Variants in CCNB1 observed in about 807,000 individuals in gnomAD.
The protein encoded by CCNB1 is G2/mitotic-specific cyclin-B1.
In CCNB1, 26 loss-of-function variants were observed where a neutral mutation model predicts 44.4. That is an observed-to-expected ratio of 0.59 (90% CI 0.43 to 0.81). The LOEUF is 0.81. CCNB1 is among the 40% of genes least tolerant of loss of function. The pLI is 0.00. For missense variants in CCNB1, 477 were observed against 520.9 expected, an observed-to-expected ratio of 0.92 and a Z score of 0.82; for synonymous variants, 195 against 181.4, an observed-to-expected ratio of 1.08 and a Z score of -0.60.
intron 4 of CCNB1, among the ~76,000 whole-genome samples, chr5:69,172,004 A>G (rs563899429): frequency 4.4e-4 from 67 of 152,166 alleles, no homozygotes; most frequent in South Asian, 2.9e-3. Context: ...CTACAAATAC[A>G]AGCACTCTTT....
At position 69,171,304 on chromosome 5, in the gene CCNB1, C is replaced by G. The variant is rs1407672231; in HGVS notation, c.398C>G (p.Ser133Cys). The G allele has an allele frequency of 5.0e-6, 8 of 1,612,296 alleles. No homozygotes were observed. Among genetic ancestry groups the G allele is most frequent in the Non-Finnish European group, 6.8e-6 (8 of 1,179,638 alleles). ...DTASPSPMETSGCAPAEEDLC... is the reference protein window; with the variant it reads ...DTASPSPMETCGCAPAEEDLC... The stretch of plus-strand genomic sequence containing the variant: ...GCCTCTCCAAGCCCAATGGAAACAT[C>G]TGGATGTGCCCCTGCAGAAGAAGAC... The change falls in exon 4 of 9, where the codon TCT becomes TGT. Residue 133 changes from serine (S) to cysteine (C), a missense_variant. Coordinates refer to ENST00000256442, the MANE Select transcript of CCNB1 (RefSeq NM_031966.4).
At chr5:69,169,893 A>C (rs187604857) in intron 3 of CCNB1, among the ~76,000 whole-genome samples, 5,735 of 149,242 alleles carry the variant, frequency 0.038, 401 homozygotes, top group African/African-American at 0.13. Context: ...CTCGTGATCC[A>C]CCCGCCTCAG....
At position 69,177,571 on chromosome 5, in the gene CCNB1, T is replaced by C; in HGVS notation, c.1242T>C (p.Thr414=). 1.9e-6 allele frequency: 3 copies of C among 1,613,952 alleles called. No individual in the cohort carries two copies. The highest frequency in any genetic ancestry group is 2.5e-6 in the Non-Finnish European group (3 of 1,179,826). ...YATSKHAKIS[T]LPQLNSALVQ... is the part of the protein sequence containing the mutation. ...CATCGAAGCATGCTAAGATCAGCAC[T>C]CTACCACAGCTGAATTCTGCACTAG... Residue 414 remains threonine, a synonymous_variant, in exon 9 of 9, where the codon ACT becomes ACC. Coordinates refer to ENST00000256442, the MANE Select transcript of CCNB1 (RefSeq NM_031966.4).
At chr5:69,170,335 C>T (rs1055873982) in intron 3 of CCNB1, among the ~76,000 whole-genome samples, 2 of 152,046 alleles carry the variant, frequency 1.3e-5, no homozygotes, top group African/African-American at 2.4e-5. Context: ...GCCATGAAGT[C>T]AATGCCTTGT....
chr5:69,177,835 A>G lies in CCNB1; in HGVS notation c.*204A>G. ...AAGGTATGGTGGGGATATTTTTAAA[A>G]ACTCCTTTTGGTTTACCTGGGGATC... On this transcript the variant is annotated 3_prime_UTR_variant, in exon 9 of 9. Transcript: ENST00000256442. The G allele has an allele frequency of 2.1e-6, 1 of 483,604 alleles. No individual in the cohort carries two copies. Among genetic ancestry groups the G allele is most frequent in the Non-Finnish European group, 3.7e-6 (1 of 272,734 alleles). 30.0% of individuals were successfully genotyped at this position (483,604 alleles called of 1,614,324 possible).
At chr5:69,173,355 G>A (rs1230306169) in intron 4 of CCNB1, among the ~76,000 whole-genome samples, 1 of 152,098 alleles carries the variant, frequency 6.6e-6, no homozygotes, top group Non-Finnish European at 1.5e-5. Context: ...ATGTGTGGGT[G>A]GCTGACAGAA....
chr5:69,172,754 G>A (rs1401260132), intron 4 of CCNB1, among the ~76,000 whole-genome samples: 1 of 144,408 alleles, frequency 6.9e-6, no homozygotes, highest in Non-Finnish European at 1.5e-5. Context: ...ATTCAATTTA[G>A]TAAATGTGCT....
In CCNB1 at chr5:69,174,971, G is replaced by A; in HGVS notation, c.800G>A (p.Gly267Asp). The change falls in exon 6 of 9, where the codon GGT becomes GAT. Residue 267 changes from glycine to aspartate, a missense_variant. By Grantham distance (94) the Gly-to-Asp change is moderately conservative (BLOSUM62 -1). Coordinates refer to ENST00000256442, the MANE Select transcript of CCNB1 (RefSeq NM_031966.4). The stretch of plus-strand genomic sequence containing the variant: ...GAAGAAATGTACCCTCCAGAAATTG[G>A]TGACTTTGCTTTTGTGACTGACAAC... ...KYEEMYPPEI[G>D]DFAFVTDNTY... 6.2e-7 allele frequency: 1 copy of A among 1,614,152 alleles called. No homozygotes were observed. The highest frequency in any genetic ancestry group is 8.5e-7 in the Non-Finnish European group (1 of 1,180,034).
Position 69,175,381 on chromosome 5 carries a change from A to G in CCNB1, c.943-16A>G, listed in dbSNP as rs200513684. 3.8e-5 allele frequency: 61 copies of G among 1,610,692 alleles called. No homozygotes were observed. The highest frequency in any genetic ancestry group is 4.7e-5 in the Non-Finnish European group (55 of 1,178,778). On this transcript the variant is annotated splice_polypyrimidine_tract_variant and intron_variant, in intron 6 of 8. Coordinates refer to ENST00000256442, the MANE Select transcript of CCNB1 (RefSeq NM_031966.4). Reference sequence around the variant, plus strand: ...AATTTTCTGAAAGAAACTCAGTAACATGGGTTTTGTTTCAGGTTGATGTCG... The same window carrying G: ...AATTTTCTGAAAGAAACTCAGTAACGTGGGTTTTGTTTCAGGTTGATGTCG...
At chr5:69,167,353 G>A (rs761401064) in intron 1 of CCNB1, 70 bp downstream of exon 1, 1 of 1,571,608 alleles carries the variant, frequency 6.4e-7, no homozygotes, top group South Asian at 1.1e-5. Flanking sequence ...CCTCGCCTGC[G>A]GGAGCCTCCC....
At chr5:69,174,646 C>G (rs533799585) in intron 5 of CCNB1, among the ~76,000 whole-genome samples, 47 of 151,654 alleles carry the variant, frequency 3.1e-4, no homozygotes, top group Non-Finnish European at 5.4e-4. Flanking sequence ...CTACTGGAGG[C>G]GGAGGTTGCA....
In CCNB1 at chr5:69,174,982, T is replaced by G. The variant is rs1457316038; in HGVS notation, c.811T>G (p.Phe271Val). The change falls in exon 6 of 9, where the codon TTT becomes GTT. Residue 271 changes from phenylalanine to valine, a missense_variant. By Grantham distance (50) the Phe-to-Val change is conservative (BLOSUM62 -1). Transcript: ENST00000256442. The part of the protein sequence containing the change: ...MYPPEIGDFA[F>V]VTDNTYTKHQ... ...CCCTCCAGAAATTGGTGACTTTGCT[T>G]TTGTGACTGACAACACTTATACTAA... is the stretch of plus-strand genomic sequence containing the variant. 4 of 1,614,056 alleles carry G rather than the reference T, an allele frequency of 2.5e-6. No homozygotes were observed. The highest frequency in any genetic ancestry group is 3.4e-6 in the Non-Finnish European group (4 of 1,180,026).
chr5:69,168,279 A>T lies in CCNB1; in HGVS notation c.299A>T (p.Glu100Val). The T allele has an allele frequency of 6.2e-7, 1 of 1,613,154 alleles. No individual in the cohort carries two copies. Among genetic ancestry groups the T allele is most frequent in the Non-Finnish European group, 8.5e-7 (1 of 1,179,582 alleles). Residue 100 changes from glutamate to valine, a missense_variant, in exon 3 of 9, where the codon GAG (glutamate) becomes GTG (valine). Coordinates refer to ENST00000256442, the MANE Select transcript of CCNB1 (RefSeq NM_031966.4). ...VPVPVSEPVP[E>V]PEPEPEPEPV... is the part of the protein sequence containing the mutation. Reference sequence around the variant, plus strand: ...GTGCCAGTGTCTGAGCCAGTGCCAGAGCCAGAACCTGAGCCAGAACCTGAG... The same window carrying T: ...GTGCCAGTGTCTGAGCCAGTGCCAGTGCCAGAACCTGAGCCAGAACCTGAG...
chr5:69,173,822 T>G (rs544775573), intron 4 of CCNB1, among the ~76,000 whole-genome samples: 1 of 151,900 alleles, frequency 6.6e-6, no homozygotes, highest in East Asian at 1.9e-4. Flanking sequence ...CAGGCTGGAG[T>G]GCAGTGGTGC....
chr5:69,172,009 C>T (rs1031357127), intron 4 of CCNB1, among the ~76,000 whole-genome samples: 27 of 152,124 alleles, frequency 1.8e-4, no homozygotes, highest in African/African-American at 6.5e-4. Flanking sequence ...AATACAAGCA[C>T]TCTTTATGGC....
chr5:69,168,100 C>T (rs1580207964), intron 2 of CCNB1, 22 bp downstream of exon 2: 1 of 1,611,684 alleles, frequency 6.2e-7, no homozygotes, highest in South Asian at 1.1e-5. Flanking sequence ...CCTGACCTAA[C>T]TTCTGTAAGA....
chr5:69,172,738 T>C (rs1257616479), intron 4 of CCNB1, among the ~76,000 whole-genome samples: 4 of 151,904 alleles, frequency 2.6e-5, no homozygotes, highest in African/African-American at 7.3e-5. Context: ...GTTCTAACTT[T>C]GGAGGATTCA....
rs1289484250 is a variant in CCNB1, at chr5:69,177,313, T to C, written c.1158T>C (p.Asn386=). Residue 386 remains asparagine, a synonymous_variant, in exon 8 of 9, where the codon AAT becomes AAC. Transcript: ENST00000256442. ...CAGTTATGCAGCACCTGGCTAAGAA[T>C]GTAGTCATGGTAAATCAAGGACTTA... ...LLPVMQHLAK[N]VVMVNQGLTK... The C allele has an allele frequency of 6.2e-7, 1 of 1,612,750 alleles. No individual in the cohort carries two copies. The highest frequency in any genetic ancestry group is 8.5e-7 in the Non-Finnish European group (1 of 1,178,726).
intron 6 of CCNB1, 22 bp from the exon 7 acceptor site, chr5:69,175,375 A>T: frequency 1.2e-6 from 2 of 1,608,726 alleles, no homozygotes; most frequent in Non-Finnish European, 1.7e-6. Context: ...AAAGAAACTC[A>T]GTAACATGGG....
Sources: gnomAD v4.1 joint callset for allele counts (sites outside exome capture counted in the v4.1 genomes callset) on GRCh38, gnomAD v4.1.1 for gene constraint, MANE v1.5 for transcripts, NCBI Gene and HGNC (gene_info 2026-07-23, HGNC 2026-07-21) for gene names.